KCNIP4: variants seen among roughly 807,000 people sequenced by gnomAD.
KCNIP4 encodes potassium voltage-gated channel interacting protein 4, also known as Kv channel-interacting protein 4.
Under a neutral mutation model 34.0 loss-of-function variants are expected in KCNIP4, and 12 were observed. The ratio of observed to expected loss-of-function variants is 0.35; its 90% CI spans 0.23 to 0.57. The LOEUF is 0.57. KCNIP4 is among the 20% of genes least tolerant of loss of function. The pLI is 0.83. For synonymous variants in KCNIP4, 124 were observed against 102.2 expected (o/e 1.21, Z -1.29); for missense variants, 238 against 311.7 (o/e 0.76, Z 1.78).
chr4:21,241,836 G>C (rs919507525), intron 1 of KCNIP4, among the ~76,000 whole-genome samples: 7 of 152,122 alleles, frequency 4.6e-5, no homozygotes, highest in African/African-American at 1.4e-4. Context: ...CGCAAAAACT[G>C]CAGTATGCTC....
rs1274409780 is a variant in KCNIP4, at chr4:20,730,045, C to G, written c.*37G>C. 2 of 1,591,166 alleles carry G rather than the reference C, an allele frequency of 1.3e-6. No homozygotes were observed. The highest frequency in any genetic ancestry group is 1.2e-5 in the South Asian group (1 of 86,658). On this transcript the variant is annotated 3_prime_UTR_variant, in exon 9 of 9. Coordinates refer to ENST00000382152, the MANE Select transcript of KCNIP4 (RefSeq NM_025221.6). ...CAACTTTAAGGGTGGTAGAATAGTT[C>G]ACATTTGTCTGTTGGATTCAGGATC...
At chr4:21,890,340 C>T (rs1727019464) in intron 1 of KCNIP4, among the ~76,000 whole-genome samples, 1 of 152,058 alleles carries the variant, frequency 6.6e-6, no homozygotes, top group Admixed American at 6.6e-5. Flanking sequence ...TCTTTCTGTA[C>T]TTCTGGAATA....
At chr4:21,768,982 G>T (rs575931057) in intron 1 of KCNIP4, among the ~76,000 whole-genome samples, 2 of 151,494 alleles carry the variant, frequency 1.3e-5, no homozygotes, top group Non-Finnish European at 2.9e-5. Context: ...CAATATCCTC[G>T]TTTTAAAACC....
intron 1 of KCNIP4, among the ~76,000 whole-genome samples, chr4:21,893,951 A>T (rs1727242225): frequency 6.6e-6 from 1 of 152,276 alleles, no homozygotes; most frequent in South Asian, 2.1e-4. Flanking sequence ...CTTGAAAATA[A>T]TCTAGTCCAG....
At chr4:20,829,902 T>G (rs1172009433) in intron 3 of KCNIP4, among the ~76,000 whole-genome samples, 1 of 152,102 alleles carries the variant, frequency 6.6e-6, no homozygotes, top group Admixed American at 6.6e-5. Context: ...CCTGGACCTC[T>G]CCTCTGAACT....
intron 1 of KCNIP4, among the ~76,000 whole-genome samples, chr4:21,651,305 T>G (rs1481890512): frequency 6.6e-6 from 1 of 152,096 alleles, no homozygotes; most frequent in Non-Finnish European, 1.5e-5. Flanking sequence ...GCAAGTAAGC[T>G]GCTATCTTCA....
chr4:21,685,679 G>A (rs73256515), intron 1 of KCNIP4, among the ~76,000 whole-genome samples: 1,858 of 152,296 alleles, frequency 0.012, 19 homozygotes, highest in Non-Finnish European at 0.015. Context: ...AAGATCCATT[G>A]AGATGTAACG....
At chr4:21,016,255 T>C (rs960722144) in intron 1 of KCNIP4, among the ~76,000 whole-genome samples, 3 of 151,272 alleles carry the variant, frequency 2.0e-5, no homozygotes, top group African/African-American at 7.3e-5. Flanking sequence ...TTTTTAAGCA[T>C]GGTACCTGGC....
intron 1 of KCNIP4, among the ~76,000 whole-genome samples, chr4:20,974,624 C>G (rs1735302022): frequency 6.6e-6 from 1 of 152,086 alleles, no homozygotes; most frequent in East Asian, 1.9e-4. Context: ...CAAAGATCAC[C>G]TCTTTGAGTC....
At chr4:21,476,389 G>A (rs905329944) in intron 1 of KCNIP4, among the ~76,000 whole-genome samples, 1 of 152,172 alleles carries the variant, frequency 6.6e-6, no homozygotes, top group Non-Finnish European at 1.5e-5. Flanking sequence ...TAGGAGACAA[G>A]TAAGTTTAAA....
intron 1 of KCNIP4, among the ~76,000 whole-genome samples, chr4:21,365,788 T>C (rs1393578504): frequency 6.6e-6 from 1 of 152,176 alleles, no homozygotes; most frequent in African/African-American, 2.4e-5. Flanking sequence ...GAGATCAGGA[T>C]GATATGTTTT....
At chr4:21,244,750 G>C (rs1760083832) in intron 1 of KCNIP4, among the ~76,000 whole-genome samples, 1 of 152,124 alleles carries the variant, frequency 6.6e-6, no homozygotes, top group Admixed American at 6.5e-5. Flanking sequence ...TAGAACAAAT[G>C]CTTTATTAAA....
intron 1 of KCNIP4, among the ~76,000 whole-genome samples, chr4:21,096,700 A>G (rs1389156294): frequency 6.6e-6 from 1 of 152,180 alleles, no homozygotes; most frequent in East Asian, 1.9e-4. Context: ...ATATTCATTT[A>G]CAATATATAT....
chr4:20,817,284 C>T (rs1224951361), intron 3 of KCNIP4, among the ~76,000 whole-genome samples: 1 of 152,172 alleles, frequency 6.6e-6, no homozygotes, highest in East Asian at 1.9e-4. Context: ...TCAAATTCTG[C>T]GTTTAATTAC....
intron 1 of KCNIP4, among the ~76,000 whole-genome samples, chr4:20,976,870 G>A (rs1577471648): frequency 6.6e-6 from 1 of 152,072 alleles, no homozygotes; most frequent in South Asian, 2.1e-4. Flanking sequence ...TTTTGCTCTT[G>A]TTGCCCAGGC....
At chr4:20,748,282 C>T (rs1370822552) in intron 5 of KCNIP4, among the ~76,000 whole-genome samples, 5 of 151,982 alleles carry the variant, frequency 3.3e-5, no homozygotes, top group Admixed American at 1.3e-4. Flanking sequence ...CCTTGGTTCC[C>T]AGGCCTGATA....
At chr4:20,979,600 G>A (rs1407657608) in intron 1 of KCNIP4, among the ~76,000 whole-genome samples, 2 of 151,730 alleles carry the variant, frequency 1.3e-5, no homozygotes, top group Admixed American at 6.6e-5. Context: ...GGGTTTCACC[G>A]TGTTATTCAG....
At chr4:21,765,247 C>G (rs543395188) in intron 1 of KCNIP4, among the ~76,000 whole-genome samples, 1 of 151,446 alleles carries the variant, frequency 6.6e-6, no homozygotes, top group Admixed American at 6.6e-5. Context: ...CCTCGACCTC[C>G]GGGGCTCAAG....
Position 20,731,493 on chromosome 4 carries a change from C to CTGTT in KCNIP4, c.705+509_705+512dup, listed in dbSNP as rs530971443. 1.1e-4 allele frequency: 110 copies of CTGTT among 985,332 alleles called. No homozygotes were observed. In the African/African-American group the frequency reaches 1.8e-3, roughly 16 times the overall value. 61.0% of individuals were successfully genotyped at this position (985,332 alleles called of 1,614,324 possible). A position where few individuals can be genotyped will look rare whatever the true frequency, so the allele number is the denominator to read the frequency against. On this transcript the variant is annotated intron_variant, in intron 8 of 8. Coordinates refer to ENST00000382152, the MANE Select transcript of KCNIP4 (RefSeq NM_025221.6). Reference sequence around the variant, plus strand: ...AGTTCTCTTCAGAGAAAATTTTCCACTGTTTATTTTTTGTGACTGAAGACC... The same window carrying CTGTT: ...AGTTCTCTTCAGAGAAAATTTTCCACTGTTTGTTTATTTTTTGTGACTGAAGACC...
Sources: allele counts gnomAD v4.1 joint callset (sites outside exome capture counted in the v4.1 genomes callset), GRCh38; gene constraint gnomAD v4.1.1; transcripts MANE v1.5; gene names NCBI Gene and HGNC (gene_info 2026-07-23, HGNC 2026-07-21).